The following LCOR variants were observed in gnomAD, a reference collection of about 807,000 sequenced individuals.
LCOR encodes ligand dependent nuclear receptor corepressor.
In LCOR, 14 loss-of-function variants were observed where a neutral mutation model predicts 64.4. The observed-to-expected ratio is 0.22, with a 90% confidence interval of 0.14 to 0.34. The LOEUF (loss-of-function observed/expected upper bound fraction) is 0.34, where lower values mean the gene tolerates loss of function less well. Among genes scored for constraint, LCOR ranks in the 10% least tolerant of loss-of-function variants. LCOR has a pLI of 1.00. For missense variants in LCOR, 1,686 were observed against 1,765.3 expected (o/e 0.96, Z 0.80); for synonymous variants, 643 against 642.5 (o/e 1.00, Z -0.01).
Position 96,879,039 on chromosome 10 carries a change from G to A in LCOR, c.-329-28226G>A, listed in dbSNP as rs541883809. On this transcript the variant is annotated intron_variant, in intron 2 of 7. Coordinates refer to ENST00000421806, the MANE Select transcript of LCOR (RefSeq NM_001346516.2). ...TCGAACTCCTGAGCTCAAGTGATTCGCCTGCCTTGACCTCCCAAAGTGCTG... is the reference window on the plus strand; with the variant it reads ...TCGAACTCCTGAGCTCAAGTGATTCACCTGCCTTGACCTCCCAAAGTGCTG... Among the ~76,000 whole-genome samples, 56 of 152,118 alleles carry A rather than the reference G, an allele frequency of 3.7e-4. No homozygotes were observed. The East Asian group carries it at 5.4e-3, about 15-fold the overall frequency.
At chr10:96,834,813 C>T (rs1845413772) in intron 2 of LCOR, among the ~76,000 whole-genome samples, 1 of 152,148 alleles carries the variant, frequency 6.6e-6, no homozygotes, top group Non-Finnish European at 1.5e-5. Context: ...TCCTGGGCTC[C>T]TGCCTCAGGA....
rs1315427081 is a variant in LCOR at position 96,994,678 on chromosome 10, G to C, written c.*9544G>C. ...AGGCGACTACTTCTTGTGGTGGTAG[G>C]GGGTGGGGGGAATGGGGCATTGTAG... On this transcript the variant is annotated 3_prime_UTR_variant, in exon 8 of 8. Coordinates refer to ENST00000421806, the MANE Select transcript of LCOR (RefSeq NM_001346516.2). The C allele has an allele frequency of 5.9e-5, 9 of 152,228 alleles. No individual in the cohort carries two copies. The highest frequency in any genetic ancestry group is 2.2e-4 in the African/African-American group (9 of 41,518). 9.4% of individuals were successfully genotyped at this position (152,228 alleles called of 1,614,324 possible).
intron 2 of LCOR, among the ~76,000 whole-genome samples, chr10:96,844,675 CCTT>C (rs1303682601): frequency 2.6e-5 from 4 of 152,018 alleles, no homozygotes; most frequent in Admixed American, 2.0e-4. Flanking sequence ...GCTTAATTTT[CCTT>C]CTTATCTTGT....
rs1848183840 is a variant in LCOR, at chr10:96,989,831, C to T, written c.*4697C>T. On this transcript the variant is annotated 3_prime_UTR_variant, in exon 8 of 8. Transcript: ENST00000421806. ...CTGGGATTACAAGTGAGCCACCGCACCAACCCAAGTATGAGTTTCTATGCT... is the reference window on the plus strand; with the variant it reads ...CTGGGATTACAAGTGAGCCACCGCATCAACCCAAGTATGAGTTTCTATGCT... The T allele has an allele frequency of 6.6e-6, 1 of 150,744 alleles. No individual in the cohort carries two copies. The highest frequency in any genetic ancestry group is 2.1e-4 in the South Asian group (1 of 4,776). 9.3% of individuals were successfully genotyped at this position (150,744 alleles called of 1,614,324 possible).
chr10:96,849,448 G>A (rs1845689668), intron 2 of LCOR, among the ~76,000 whole-genome samples: 1 of 152,166 alleles, frequency 6.6e-6, no homozygotes, highest in Non-Finnish European at 1.5e-5. Context: ...GACCTCAGGT[G>A]ATTGGCCCGC....
At chr10:96,919,083 G>T (rs894101400) in intron 4 of LCOR, among the ~76,000 whole-genome samples, 1 of 152,192 alleles carries the variant, frequency 6.6e-6, no homozygotes, top group Admixed American at 6.5e-5. Flanking sequence ...CCATGAGGCA[G>T]TTGAAATGTA....
chr10:96,856,417 C>CCT (rs1311133719), intron 2 of LCOR, among the ~76,000 whole-genome samples: 1 of 151,704 alleles, frequency 6.6e-6, no homozygotes, highest in Non-Finnish European at 1.5e-5. Flanking sequence ...TCCTTCCCTT[C>CCT]CTCTCTTCCC....
intron 2 of LCOR, among the ~76,000 whole-genome samples, chr10:96,864,561 A>T (rs528236206): frequency 6.6e-6 from 1 of 152,360 alleles, no homozygotes; most frequent in South Asian, 2.1e-4. Context: ...CAGGGACATC[A>T]GTTACACAAG....
intron 7 of LCOR, among the ~76,000 whole-genome samples, chr10:96,975,607 A>G (rs1314283338): frequency 6.6e-6 from 1 of 151,712 alleles, no homozygotes; most frequent in Non-Finnish European, 1.5e-5. Flanking sequence ...TTTTGCTAAG[A>G]GAAAACAGGA....
At chr10:96,980,576 G>C (rs1433670080) in intron 7 of LCOR, among the ~76,000 whole-genome samples, 1 of 152,124 alleles carries the variant, frequency 6.6e-6, no homozygotes, top group Non-Finnish European at 1.5e-5. Context: ...GCCAGGCAAG[G>C]TGGCTTACAC....
At chr10:96,905,525 A>G (rs1846712600) in intron 2 of LCOR, among the ~76,000 whole-genome samples, 2 of 152,128 alleles carry the variant, frequency 1.3e-5, no homozygotes, top group African/African-American at 4.8e-5. Flanking sequence ...TTCTGAAAAT[A>G]TCTGATCTCC....
chr10:96,858,435 T>G (rs1402366337), intron 2 of LCOR, among the ~76,000 whole-genome samples: 2 of 152,202 alleles, frequency 1.3e-5, no homozygotes, highest in Non-Finnish European at 2.9e-5. Flanking sequence ...AAAATGTTCA[T>G]GATCCTTCCA....
chr10:96,966,389 C>T (rs1010693367), intron 7 of LCOR, among the ~76,000 whole-genome samples: 2 of 151,674 alleles, frequency 1.3e-5, no homozygotes, highest in Non-Finnish European at 2.9e-5. Flanking sequence ...CCAACACGCC[C>T]GGCTAATTTT....
intron 2 of LCOR, among the ~76,000 whole-genome samples, chr10:96,906,293 G>A (rs1444375169): frequency 2.6e-5 from 4 of 152,160 alleles, no homozygotes; most frequent in East Asian, 1.9e-4. Flanking sequence ...TGCACAAGAC[G>A]TTAATTTCGA....
chr10:96,930,742 C>T (rs1847243790), intron 4 of LCOR, among the ~76,000 whole-genome samples: 1 of 152,116 alleles, frequency 6.6e-6, no homozygotes, highest in African/African-American at 2.4e-5. Context: ...GTGATTAGGC[C>T]ATAAGGACTC....
At position 96,988,554 on chromosome 10, in the gene LCOR, T is replaced by A. The variant is rs921430060; in HGVS notation, c.*3420T>A. 2.6e-5 allele frequency: 4 copies of A among 152,220 alleles called. No individual in the cohort carries two copies. Among genetic ancestry groups the A allele is most frequent in the African/African-American group, 9.6e-5 (4 of 41,468 alleles). 9.4% of individuals were successfully genotyped at this position (152,220 alleles called of 1,614,324 possible). On this transcript the variant is annotated 3_prime_UTR_variant, in exon 8 of 8. Transcript: ENST00000421806. ...TCAGATAGGTCATCAGTAAAAGGCA[T>A]CACTTCAAGATAATTACTTTGAATT...
chr10:96,947,610 A>G (rs1345913152), intron 5 of LCOR, among the ~76,000 whole-genome samples: 1 of 152,138 alleles, frequency 6.6e-6, no homozygotes, highest in Non-Finnish European at 1.5e-5. Context: ...AAAACCTCAA[A>G]AGTGTGGTGG....
At chr10:96,853,975 A>G (rs1396119039) in intron 2 of LCOR, among the ~76,000 whole-genome samples, 2 of 152,124 alleles carry the variant, frequency 1.3e-5, no homozygotes, top group African/African-American at 4.8e-5. Flanking sequence ...AGCTGCCTCC[A>G]TGATTCGATT....
intron 5 of LCOR, among the ~76,000 whole-genome samples, chr10:96,946,662 C>T (rs1348840041): frequency 6.6e-6 from 1 of 151,992 alleles, no homozygotes; most frequent in Non-Finnish European, 1.5e-5. Context: ...GAAATCTGTT[C>T]AATAAACTTC....
Sources: gnomAD v4.1 joint callset for allele counts (sites outside exome capture counted in the v4.1 genomes callset) on GRCh38, gnomAD v4.1.1 for gene constraint, MANE v1.5 for transcripts, NCBI Gene and HGNC (gene_info 2026-07-23, HGNC 2026-07-21) for gene names.